ESYT3: variants seen among roughly 807,000 people sequenced by gnomAD.
The protein encoded by ESYT3 is extended synaptotagmin 3.
In ESYT3, 101 loss-of-function variants were observed where a neutral mutation model predicts 111.5. The ratio of observed to expected loss-of-function variants is 0.91; its 90% CI spans 0.77 to 1.07. The LOEUF (loss-of-function observed/expected upper bound fraction) is 1.07. Among genes scored for constraint, ESYT3 ranks in the 50% least tolerant of loss-of-function variants. ESYT3 has a pLI of 0.00. For synonymous variants in ESYT3, 416 were observed against 446.8 expected (o/e 0.93, Z 0.87); for missense variants, 1,097 against 1,109.4 (o/e 0.99, Z 0.16).
intron 1 of ESYT3, among the ~76,000 whole-genome samples, chr3:138,444,114 A>G (rs1473107232): frequency 1.3e-5 from 2 of 152,150 alleles, no homozygotes; most frequent in African/African-American, 4.8e-5. Flanking sequence ...CTTAGACTTG[A>G]ATTTGCTTTA....
intron 1 of ESYT3, among the ~76,000 whole-genome samples, chr3:138,445,105 C>T (rs997219463): frequency 2.0e-5 from 3 of 152,182 alleles, no homozygotes; most frequent in Admixed American, 2.0e-4. Context: ...TGTACTGTAG[C>T]GAGCTCTCCA....
At position 138,465,412 on chromosome 3, in the gene ESYT3, T is replaced by C; in HGVS notation, c.1160T>C (p.Phe387Ser). 1.3e-6 allele frequency: 2 copies of C among 1,590,792 alleles called. No individual in the cohort carries two copies. Among genetic ancestry groups the C allele is most frequent in the Non-Finnish European group, 1.7e-6 (2 of 1,169,274 alleles). Residue 387 changes from phenylalanine (F) to serine (S), a missense_variant, in exon 10 of 23, where the codon TTC becomes TCC. By Grantham distance (155) the Phe-to-Ser change is radical. Coordinates refer to ENST00000389567, the MANE Select transcript of ESYT3 (RefSeq NM_031913.5). ...GATGAGGATACCGACAGGGATGACT[T>C]CCTGGGCAGGTGAGGAGGAGGGCGC... ...LYDEDTDRDD[F>S]LGSLQICLGD... is the part of the protein sequence containing the mutation.
chr3:138,479,888 C>CGGG lies in ESYT3; in HGVS notation c.*3035_*3036insGGG, dbSNP rs2033648772. The CGGG allele has an allele frequency of 6.6e-6, 1 of 152,136 alleles. No homozygotes were observed. The highest frequency in any genetic ancestry group is 6.5e-5 in the Admixed American group (1 of 15,284). The allele number at this position is 152,136 out of a possible 1,614,324, so 9.4% of individuals were successfully genotyped here. ...TATCCCCTAGAGTCCACTTCTACCC[C>CGGG]GTTTAGTAGTAAATACAAGAATTGC... is the stretch of plus-strand genomic sequence containing the variant. On this transcript the variant is annotated 3_prime_UTR_variant, in exon 23 of 23. Coordinates refer to ENST00000389567, the MANE Select transcript of ESYT3 (RefSeq NM_031913.5).
At position 138,476,244 on chromosome 3, in the gene ESYT3, G is replaced by A. The variant is rs368596362; in HGVS notation, c.2490G>A (p.Met830Ile). 6.8e-6 allele frequency: 11 copies of A among 1,612,816 alleles called. No individual in the cohort carries two copies. Among genetic ancestry groups the A allele is most frequent in the African/African-American group, 2.7e-5 (2 of 74,840 alleles). ...AAAGATTTGAATTTTTTGTTCCCAT[G>A]GAAGAAGTAAAGAAGAGGTCACTAG... ...FDETFEFFVP[M>I]EEVKKRSLDV... The change falls in exon 21 of 23, where the codon ATG (methionine) becomes ATA (isoleucine). Residue 830 changes from methionine to isoleucine, a missense_variant. Transcript: ENST00000389567.
At chr3:138,460,068 C>A (rs1398924023) in intron 6 of ESYT3, 34 bp downstream of exon 6, 8 of 1,580,220 alleles carry the variant, frequency 5.1e-6, no homozygotes. Context: ...GCCTGCTGCT[C>A]CCTGGGAGTA....
chr3:138,475,363 A>G (rs1175251035), intron 20 of ESYT3, among the ~76,000 whole-genome samples: 1 of 152,206 alleles, frequency 6.6e-6, no homozygotes, highest in African/African-American at 2.4e-5. Context: ...TGACAAACCT[A>G]AATCTGTTAC....
In ESYT3 at chr3:138,440,628, A is replaced by G. The variant is rs946767983; in HGVS notation, c.327+5503A>G. On this transcript the variant is annotated intron_variant, in intron 1 of 22. Coordinates refer to ENST00000389567, the MANE Select transcript of ESYT3 (RefSeq NM_031913.5). The surrounding 1 kb of genome is among the most constrained non-coding windows in gnomAD (Gnocchi z 4.2). ...CCCTGCAGCCCTGTGAAGTTATTCA[A>G]ATGGCTTGGAGTCAGGCCTGTCCTC... is the stretch of plus-strand genomic sequence containing the variant. 2.0e-5 allele frequency among the ~76,000 whole-genome samples: 3 copies of G among 152,180 alleles called. No individual in the cohort carries two copies. Among genetic ancestry groups the G allele is most frequent in the Non-Finnish European group, 2.9e-5 (2 of 68,024 alleles).
At chr3:138,473,514 G>C in intron 18 of ESYT3, 22 bp from the exon 19 acceptor site, 1 of 1,607,286 alleles carries the variant, frequency 6.2e-7, no homozygotes, top group Non-Finnish European at 8.5e-7. Flanking sequence ...GGCGAGAGAA[G>C]TGATGGGCTC....
At chr3:138,474,556 A>T (rs1322273965) in intron 20 of ESYT3, 1 of 481,592 alleles carries the variant, frequency 2.1e-6, no homozygotes, top group Non-Finnish European at 3.5e-6. Flanking sequence ...ACCTACATTT[A>T]CTGCTCATAG....
intron 4 of ESYT3, 89 bp downstream of exon 4, chr3:138,457,733 T>G: frequency 7.9e-7 from 1 of 1,268,480 alleles, no homozygotes; most frequent in Non-Finnish European, 1.1e-6. Flanking sequence ...ATATATATAC[T>G]CTGACTTGGG....
chr3:138,449,198 C>T (rs554592019), intron 1 of ESYT3, among the ~76,000 whole-genome samples: 2 of 150,156 alleles, frequency 1.3e-5, no homozygotes, highest in East Asian at 4.0e-4. Flanking sequence ...AATTCTTCTG[C>T]CTCAGCCTCC....
chr3:138,435,197 G>C lies in ESYT3; in HGVS notation c.327+72G>C, dbSNP rs2030559374. ...GGTTCGGAGGAACTTGCGGTCAGCG[G>C]GGAGCTGGTGCGCGCAAACCCGAGG... On this transcript the variant is annotated intron_variant, in intron 1 of 22. Transcript: ENST00000389567. This position sits in a 1 kb window ranked among gnomAD's most constrained non-coding sequence, Gnocchi z 4.8. The C allele has an allele frequency of 7.1e-7, 1 of 1,405,486 alleles. No homozygotes were observed. The highest frequency in any genetic ancestry group is 9.5e-7 in the Non-Finnish European group (1 of 1,052,680). The allele number at this position is 1,405,486 out of a possible 1,614,324, so 87.1% of individuals were successfully genotyped here. A position where few individuals can be genotyped will look rare whatever the true frequency, so the allele number is the denominator to read the frequency against.
chr3:138,448,127 C>T (rs1334227970), intron 1 of ESYT3, among the ~76,000 whole-genome samples: 1 of 151,492 alleles, frequency 6.6e-6, no homozygotes, highest in Non-Finnish European at 1.5e-5. Context: ...ATTAGCCAGG[C>T]GTGGTGGCAG....
chr3:138,472,932 T>C (rs2033305511), intron 18 of ESYT3, 73 bp downstream of exon 18: 3 of 1,536,096 alleles, frequency 2.0e-6, no homozygotes, highest in East Asian at 2.3e-5. Context: ...GAAAAGTAGA[T>C]ATGAACTTAC....
intron 20 of ESYT3, chr3:138,474,555 T>C: frequency 2.1e-6 from 1 of 481,042 alleles, no homozygotes; most frequent in Non-Finnish European, 3.5e-6. Flanking sequence ...CACCTACATT[T>C]ACTGCTCATA....
In ESYT3 at chr3:138,447,110, G is replaced by A. The variant is rs530683790; in HGVS notation, c.328-4938G>A. Among the ~76,000 whole-genome samples the A allele has an allele frequency of 3.9e-5, 6 of 152,278 alleles. No homozygotes were observed. In the South Asian group the frequency reaches 1.2e-3, roughly 32 times the overall value. ...AATATAAATCAACAACCGACATGAGGAAGTAGATAAATCAACAGTTGTGCT... is the reference window on the plus strand; with the variant it reads ...AATATAAATCAACAACCGACATGAGAAAGTAGATAAATCAACAGTTGTGCT... On this transcript the variant is annotated intron_variant, in intron 1 of 22. Transcript: ENST00000389567.
At position 138,467,557 on chromosome 3, in the gene ESYT3, C is replaced by T. The variant is rs1277446592; in HGVS notation, c.1170-4C>T. ...ACCCAATCCCCTCTCCCTGTATATT[C>T]CAGCCTGCAGATCTGCCTTGGAGAT... On this transcript the variant is annotated splice_polypyrimidine_tract_variant and splice_region_variant and intron_variant, in intron 10 of 22. Transcript: ENST00000389567. 1.9e-6 allele frequency: 3 copies of T among 1,614,154 alleles called. No homozygotes were observed. The highest frequency in any genetic ancestry group is 2.2e-5 in the South Asian group (2 of 91,078).
chr3:138,466,749 T>A (rs1006315091), intron 10 of ESYT3, among the ~76,000 whole-genome samples: 1 of 152,074 alleles, frequency 6.6e-6, no homozygotes, highest in Non-Finnish European at 1.5e-5. Context: ...GCCAGGTAAT[T>A]TATAAAGAAA....
At chr3:138,442,966 T>C (rs542235175) in intron 1 of ESYT3, among the ~76,000 whole-genome samples, 73 of 152,340 alleles carry the variant, frequency 4.8e-4, no homozygotes, top group African/African-American at 1.7e-3. Flanking sequence ...TTTTAACTTC[T>C]AGGAATTACC....
Sources: allele counts gnomAD v4.1 joint callset (sites outside exome capture counted in the v4.1 genomes callset), GRCh38; gene constraint gnomAD v4.1.1; non-coding constraint Gnocchi (gnomAD v3.1); transcripts MANE v1.5; gene names NCBI Gene and HGNC (gene_info 2026-07-23, HGNC 2026-07-21).